Variants in PAM16 observed in about 807,000 individuals in gnomAD.
PAM16 encodes the protein presequence translocase associated motor 16, also known as mitochondrial import inner membrane translocase subunit TIM16.
In PAM16, 11 loss-of-function variants were observed where a neutral mutation model predicts 17.9. The observed-to-expected ratio is 0.62, with a 90% CI of 0.39 to 1.02. PAM16 has a LOEUF of 1.02. PAM16 is among the 50% of genes least tolerant of loss of function. PAM16 has a pLI of 0.01. For synonymous variants in PAM16, 72 were observed against 67.4 expected, an observed-to-expected ratio of 1.07 and a Z score of -0.34; for missense variants, 199 against 165.4, an observed-to-expected ratio of 1.20 and a Z score of -1.11.
chr16:4,341,071 C>G, intron 3 of PAM16, 86 bp from the exon 4 acceptor site: 2 of 1,512,346 alleles, frequency 1.3e-6, no homozygotes, highest in Non-Finnish European at 1.8e-6. Context: ...GTGAGAGAGG[C>G]AACAGGACTC....
At chr16:4,349,866 T>C (rs1191422554) in intron 1 of PAM16, among the ~76,000 whole-genome samples, 1 of 152,134 alleles carries the variant, frequency 6.6e-6, no homozygotes, top group Non-Finnish European at 1.5e-5. Flanking sequence ...GAGTCAAAAC[T>C]GTCTGGGGCT....
chr16:4,345,747 G>A, intron 1 of PAM16: 1 of 553,572 alleles, frequency 1.8e-6, no homozygotes, highest in Non-Finnish European at 2.3e-6. Context: ...GCAGATGAGG[G>A]AGGGTCAGGG....
chr16:4,340,632 T>C (rs1407568911), intron 4 of PAM16, among the ~76,000 whole-genome samples: 1 of 152,164 alleles, frequency 6.6e-6, no homozygotes, highest in Non-Finnish European at 1.5e-5. Context: ...GAGCTGTTTC[T>C]AGCACCCCAC....
intron 1 of PAM16, among the ~76,000 whole-genome samples, chr16:4,349,478 GGGGAGGATGAAAT>G: frequency 6.6e-6 from 1 of 152,244 alleles, no homozygotes; most frequent in East Asian, 1.9e-4. Flanking sequence ...TGAGGCTACT[GGGGAGGATGAAAT>G]GGGAGGATCA....
At chr16:4,351,144 G>C in intron 1 of PAM16, 88 bp downstream of exon 1, 1 of 721,178 alleles carries the variant, frequency 1.4e-6, no homozygotes, top group Non-Finnish European at 1.9e-6. Flanking sequence ...CACGGCGCCC[G>C]CCGCCCAGCC....
chr16:4,346,653 G>A (rs530966210), intron 1 of PAM16: 8 of 152,174 alleles, frequency 5.3e-5, no homozygotes, highest in Non-Finnish European at 8.8e-5. Context: ...TTTCTCAATA[G>A]CTGTGTGACC....
chr16:4,345,048 A>G (rs975551931), intron 1 of PAM16, among the ~76,000 whole-genome samples: 2 of 152,044 alleles, frequency 1.3e-5, no homozygotes, highest in South Asian at 2.1e-4. Flanking sequence ...GATGACATGG[A>G]AAGATGCACA....
chr16:4,342,423 GGTGGGCATATCAC>G (rs2053663393), intron 2 of PAM16, among the ~76,000 whole-genome samples: 1 of 152,050 alleles, frequency 6.6e-6, no homozygotes, highest in Non-Finnish European at 1.5e-5. Context: ...AGGAGGCCGA[GGTGGGCATATCAC>G]GTGAGGTTGG....
intron 1 of PAM16, among the ~76,000 whole-genome samples, chr16:4,349,429 A>T (rs2053812123): frequency 6.6e-6 from 1 of 152,170 alleles, no homozygotes; most frequent in Admixed American, 6.5e-5. Flanking sequence ...TTAGCTGGGC[A>T]TAGTGGAGCA....
At chr16:4,345,068 G>T (rs1596252355) in intron 1 of PAM16, among the ~76,000 whole-genome samples, 1 of 152,036 alleles carries the variant, frequency 6.6e-6, no homozygotes, top group East Asian at 1.9e-4. Context: ...AGATCTTTGT[G>T]AAACAAAGCG....
intron 1 of PAM16, chr16:4,343,952 G>C (rs991083834): frequency 2.5e-6 from 1 of 398,390 alleles, no homozygotes; most frequent in Non-Finnish European, 4.4e-6. Flanking sequence ...AACATCTGCT[G>C]AGAGTCTACT....
At position 4,341,475 on chromosome 16, in the gene PAM16, G is replaced by A. The variant is rs146773339; in HGVS notation, c.118C>T (p.Arg40Cys). ...ASRAAADARG[R>C]AGHRSAAASN... The stretch of plus-strand genomic sequence containing the variant: ...GCGGCTGCAGACCGGTGTCCAGCGC[G>A]TCCTCGGGCATCAGCTGCGGCCCGG... Residue 40 changes from arginine (R) to cysteine (C), a missense_variant, in exon 3 of 5, where the codon CGC becomes TGC. Coordinates refer to ENST00000318059, the MANE Select transcript of PAM16 (RefSeq NM_016069.11). The A allele has an allele frequency of 2.6e-4, 422 of 1,610,152 alleles. No homozygotes were observed. The highest frequency in any genetic ancestry group is 3.2e-4 in the Non-Finnish European group (374 of 1,179,236).
rs772095473 is a variant in PAM16, at chr16:4,340,911, A to AC, written c.291+8dup. 1 of 1,612,862 alleles carries AC rather than the reference A, an allele frequency of 6.2e-7. No homozygotes were observed. Among genetic ancestry groups the AC allele is most frequent in the South Asian group, 1.1e-5 (1 of 91,078 alleles). ...GACTTCATTCCTCCCAGAATCAAAG[A>AC]CCACTCACCTTTGACTGCAGGTAGA... On this transcript the variant is annotated intron_variant, in intron 4 of 4. Coordinates refer to ENST00000318059, the MANE Select transcript of PAM16 (RefSeq NM_016069.11).
chr16:4,342,015 G>A (rs906825792), intron 2 of PAM16, among the ~76,000 whole-genome samples: 5 of 152,130 alleles, frequency 3.3e-5, no homozygotes, highest in East Asian at 1.9e-4. Flanking sequence ...TAGGCTTTGC[G>A]GGCTAATGAG....
intron 2 of PAM16, among the ~76,000 whole-genome samples, chr16:4,342,937 G>A (rs1197260585): frequency 6.6e-6 from 1 of 152,160 alleles, no homozygotes; most frequent in African/African-American, 2.4e-5. Context: ...CAGCCTGGGC[G>A]ACAGAGTGAG....
chr16:4,346,705 G>C (rs1413257622), intron 1 of PAM16: 2 of 151,944 alleles, frequency 1.3e-5, no homozygotes, highest in Admixed American at 6.6e-5. Flanking sequence ...TTTTTGTTTT[G>C]GTTTGGGTCT....
At chr16:4,349,493 G>A (rs551399508) in intron 1 of PAM16, among the ~76,000 whole-genome samples, 1 of 152,264 alleles carries the variant, frequency 6.6e-6, no homozygotes, top group South Asian at 2.1e-4. Flanking sequence ...GGATGAAATG[G>A]GAGGATCACC....
chr16:4,341,667 T>C (rs2089978876), intron 2 of PAM16, 163 bp from the exon 3 acceptor site: 3 of 1,230,652 alleles, frequency 2.4e-6, no homozygotes, highest in South Asian at 3.1e-5. Context: ...TTTTAGGGGG[T>C]AGAGGCTGGG....
chr16:4,346,471 C>T (rs1361200889), intron 1 of PAM16, among the ~76,000 whole-genome samples: 1 of 152,300 alleles, frequency 6.6e-6, no homozygotes, highest in African/African-American at 2.4e-5. Context: ...AATGACCAGG[C>T]ACTATGAAGT....
Sources: gnomAD v4.1 joint callset for allele counts (sites outside exome capture counted in the v4.1 genomes callset) on GRCh38, gnomAD v4.1.1 for gene constraint, MANE v1.5 for transcripts, NCBI Gene and HGNC (gene_info 2026-07-23, HGNC 2026-07-21) for gene names.